The following MPG variants were observed in gnomAD, a reference collection of about 807,000 sequenced individuals.
MPG encodes the protein N-methylpurine DNA glycosylase.
In MPG, 33 loss-of-function variants were observed where a neutral mutation model predicts 31.7. That is an observed-to-expected ratio of 1.04 (90% CI 0.79 to 1.39). The LOEUF (loss-of-function observed/expected upper bound fraction) is 1.39. Among genes scored for constraint, MPG ranks in the 40% most tolerant of loss-of-function variants. The probability of loss-of-function intolerance (pLI) is 0.00; values close to 1 mark genes in which losing one functional copy is unlikely to be tolerated. For synonymous variants in MPG, 202 were observed against 169.2 expected (o/e 1.19, Z -1.51); for missense variants, 455 against 415.5 (o/e 1.10, Z -0.83).
rs1299928865 is a variant in MPG at position 78,317 on chromosome 16, C to T, written c.8C>T (p.Ala3Val). 1.1e-5 allele frequency: 14 copies of T among 1,325,960 alleles called. No individual in the cohort carries two copies. Among genetic ancestry groups the T allele is most frequent in the African/African-American group, 1.5e-5 (1 of 64,756 alleles). 82.1% of individuals were successfully genotyped at this position (1,325,960 alleles called of 1,614,324 possible). A position where few individuals can be genotyped will look rare whatever the true frequency, so the allele number is the denominator to read the frequency against. Residue 3 changes from alanine (A) to valine (V), a missense_variant, in exon 1 of 4, where the codon GCG becomes GTG. By Grantham distance (64) the Ala-to-Val change is moderately conservative. Transcript: ENST00000356432. Reference protein sequence around the residue: MPARSGAQFCRRM... With the variant: MPVRSGAQFCRRM... Reference sequence around the variant, plus strand: ...CCCGGCCCGAGCCGCCGGATGCCCGCGCGCAGCGGGGCCCAGGTGAGCGCG... The same window carrying T: ...CCCGGCCCGAGCCGCCGGATGCCCGTGCGCAGCGGGGCCCAGGTGAGCGCG...
rs771696907 is a variant in MPG, at chr16:83,164, C to A, written c.413C>A (p.Thr138Asn). 16 of 1,612,936 alleles carry A rather than the reference C, an allele frequency of 9.9e-6. No homozygotes were observed. In the African/African-American group the frequency reaches 2.0e-4, roughly 20 times the overall value. ...GCCCACTCAAGGGGTGGCCGGCAGA[C>A]CCCCCGCAACCGAGGCATGTTCATG... ...EAAHSRGGRQ[T>N]PRNRGMFMKP... The change falls in exon 3 of 4, where the codon ACC (threonine) becomes AAC (asparagine). Residue 138 changes from threonine to asparagine, a missense_variant. Thr to Asn is a moderately conservative substitution (Grantham distance 65). Coordinates refer to ENST00000356432, the MANE Select transcript of MPG (RefSeq NM_001015052.3).
chr16:80,021 C>T (rs1596484308), intron 2 of MPG, among the ~76,000 whole-genome samples: 2 of 152,254 alleles, frequency 1.3e-5, no homozygotes, highest in Non-Finnish European at 2.9e-5. Context: ...TTTTTCCACA[C>T]GTGGGAACTG....
chr16:85,305 T>TAA, intron 3 of MPG, 96 bp from the exon 4 acceptor site: 1 of 1,424,660 alleles, frequency 7.0e-7, no homozygotes, highest in Non-Finnish European at 9.4e-7. Context: ...GGAAGGCAGC[T>TAA]GCACCCTCCC....
Position 79,607 on chromosome 16 carries a change from C to G in MPG, c.207C>G (p.Ile69Met). 2 of 1,603,884 alleles carry G rather than the reference C, an allele frequency of 1.2e-6. No individual in the cohort carries two copies. The highest frequency in any genetic ancestry group is 1.7e-6 in the Non-Finnish European group (2 of 1,175,032). The change falls in exon 2 of 4, where the codon ATC becomes ATG. Residue 69 changes from isoleucine to methionine, a missense_variant. By Grantham distance (10) the Ile-to-Met change is conservative. Coordinates refer to ENST00000356432, the MANE Select transcript of MPG (RefSeq NM_001015052.3). ...CCACTCCGGGCCCATACCGCAGCAT[C>G]TATTTCTCAAGCCCAAAGGGCCACC... is the stretch of plus-strand genomic sequence containing the variant. The part of the protein sequence containing the change: ...PPTTPGPYRS[I>M]YFSSPKGHLT...
intron 1 of MPG, chr16:79,157 C>T (rs1195327852): frequency 3.3e-6 from 5 of 1,521,400 alleles, no homozygotes. Context: ...GCCTGGGCCC[C>T]CATGCCGTGC....
chr16:85,363 C>A (rs774059355), intron 3 of MPG, 38 bp from the exon 4 acceptor site: 1 of 1,560,184 alleles, frequency 6.4e-7, no homozygotes, highest in Admixed American at 1.8e-5. Flanking sequence ...AGGACAGGAG[C>A]CTAGGGAGGC....
chr16:79,599 C>G lies in MPG; in HGVS notation c.199C>G (p.Arg67Gly), dbSNP rs370616320. The change falls in exon 2 of 4, where the codon CGC becomes GGC. Residue 67 changes from arginine to glycine, a missense_variant. Physicochemically the swap from Arg to Gly is moderately radical, Grantham distance 125. Coordinates refer to ENST00000356432, the MANE Select transcript of MPG (RefSeq NM_001015052.3). ...ACCGCCCACCACTCCGGGCCCATAC[C>G]GCAGCATCTATTTCTCAAGCCCAAA... ...LGPPTTPGPY[R>G]SIYFSSPKGH... 2 of 1,607,414 alleles carry G rather than the reference C, an allele frequency of 1.2e-6. No homozygotes were observed. The highest frequency in any genetic ancestry group is 2.7e-5 in the African/African-American group (2 of 74,796).
intron 3 of MPG, 71 bp downstream of exon 3, chr16:83,327 T>C (rs1890320561): frequency 6.9e-7 from 1 of 1,453,204 alleles, no homozygotes; most frequent in Admixed American, 1.8e-5. Context: ...AGGGGACCAC[T>C]AGGAGGACTG....
chr16:80,099 G>A (rs1025717850), intron 2 of MPG, among the ~76,000 whole-genome samples: 6 of 152,242 alleles, frequency 3.9e-5, no homozygotes, highest in Non-Finnish European at 8.8e-5. Context: ...TGGCTTCCCA[G>A]GGCCCCTGCA....
chr16:79,242 C>A (rs770568545), intron 1 of MPG, 183 bp from the exon 2 acceptor site: 2 of 1,552,486 alleles, frequency 1.3e-6, no homozygotes, highest in South Asian at 2.4e-5. Context: ...GTGATCATTT[C>A]CTGAGGCCTC....
At position 83,484 on chromosome 16, in the gene MPG, T is replaced by G. The variant is rs997467927; in HGVS notation, c.505+228T>G. 1.2e-5 allele frequency: 6 copies of G among 515,284 alleles called. No homozygotes were observed. The Admixed American group carries it at 2.2e-4, about 18-fold the overall frequency. The allele number at this position is 515,284 out of a possible 1,614,324, so 31.9% of individuals were successfully genotyped here. A position where few individuals can be genotyped will look rare whatever the true frequency, so the allele number is the denominator to read the frequency against. Reference sequence around the variant, plus strand: ...GGCCGGGCGCGGTGGCTCACGCCTGTCATCCCAGCACTTCGGGAGGCCGAG... The same window carrying G: ...GGCCGGGCGCGGTGGCTCACGCCTGGCATCCCAGCACTTCGGGAGGCCGAG... On this transcript the variant is annotated intron_variant, in intron 3 of 3. Transcript: ENST00000356432.
intron 2 of MPG, 152 bp from the exon 3 acceptor site, chr16:82,900 A>G: frequency 1.6e-6 from 1 of 616,554 alleles, no homozygotes; most frequent in Non-Finnish European, 2.8e-6. Flanking sequence ...CAGGAGCAAG[A>G]GAAGAGGCAG....
intron 2 of MPG, 131 bp downstream of exon 2, chr16:79,831 C>T (rs958226989): frequency 7.8e-6 from 8 of 1,020,586 alleles, no homozygotes; most frequent in Admixed American, 7.6e-5. Context: ...AGCGGCTTTG[C>T]TCACACTGGT....
rs139520065 is a variant in MPG, at chr16:83,222, C to T, written c.471C>T (p.Tyr157=). The part of the protein sequence containing the change: ...KPGTLYVYII[Y]GMYFCMNISS... The stretch of plus-strand genomic sequence containing the variant: ...GGACCCTGTACGTGTACATCATTTA[C>T]GGCATGTACTTCTGCATGAACATCT... Residue 157 remains tyrosine, a synonymous_variant, in exon 3 of 4, where the codon TAC becomes TAT. Coordinates refer to ENST00000356432, the MANE Select transcript of MPG (RefSeq NM_001015052.3). 1.9e-4 allele frequency: 302 copies of T among 1,612,884 alleles called. No homozygotes were observed. The highest frequency in any genetic ancestry group is 2.3e-4 in the Non-Finnish European group (270 of 1,179,796).
In MPG at chr16:85,511, G is replaced by C. The variant is rs1486526621; in HGVS notation, c.616G>C (p.Asp206His). ...AGGCACCGCCAGCCGTGTCCTCAAG[G>C]ACCGCGAGCTCTGCAGTGGCCCCTC... The part of the protein sequence containing the change: ...RKGTASRVLK[D>H]RELCSGPSKL... Residue 206 changes from aspartate to histidine, a missense_variant, in exon 4 of 4, where the codon GAC becomes CAC. By Grantham distance (81) the Asp-to-His change is moderately conservative (BLOSUM62 -1). Coordinates refer to ENST00000356432, the MANE Select transcript of MPG (RefSeq NM_001015052.3). The C allele has an allele frequency of 6.2e-7, 1 of 1,613,390 alleles. No individual in the cohort carries two copies. The highest frequency in any genetic ancestry group is 1.1e-5 in the South Asian group (1 of 91,082).
rs1898188018 is a variant in MPG at position 79,633 on chromosome 16, T to G, written c.233T>G (p.Leu78Arg). The G allele has an allele frequency of 1.3e-6, 2 of 1,584,248 alleles. No individual in the cohort carries two copies. Among genetic ancestry groups the G allele is most frequent in the Non-Finnish European group, 1.7e-6 (2 of 1,164,382 alleles). ...TATTTCTCAAGCCCAAAGGGCCACC[T>G]TACCCGACTGGGGTTGGAGTTCTTC... The part of the protein sequence containing the change: ...SIYFSSPKGH[L>R]TRLGLEFFDQ... Residue 78 changes from leucine (L) to arginine (R), a missense_variant, in exon 2 of 4, where the codon CTT becomes CGT. Physicochemically the swap from Leu to Arg is moderately radical, Grantham distance 102. Coordinates refer to ENST00000356432, the MANE Select transcript of MPG (RefSeq NM_001015052.3).
At chr16:78,401 C>T (rs1001901891) in intron 1 of MPG, 68 bp downstream of exon 1, 3 of 1,159,504 alleles carry the variant, frequency 2.6e-6, no homozygotes, top group Admixed American at 4.6e-5. Context: ...GCGAGCGCGG[C>T]CGCGGGAGCG....
upstream of MPG, among the ~76,000 whole-genome samples, chr16:77,825 G>A (rs3176367): frequency 0.19 from 28,273 of 151,804 alleles, 6,884 homozygotes; most frequent in African/African-American, 0.56. Flanking sequence ...CACGTCTGCG[G>A]CCCGCCCCCT....
chr16:79,333 T>A, intron 1 of MPG, 92 bp from the exon 2 acceptor site: 1 of 1,613,114 alleles, frequency 6.2e-7, no homozygotes, highest in Non-Finnish European at 8.5e-7. Context: ...CCAAAGCAGG[T>A]GGTCAGATCC....
Sources: gnomAD v4.1 joint callset for allele counts (sites outside exome capture counted in the v4.1 genomes callset) on GRCh38, gnomAD v4.1.1 for gene constraint, MANE v1.5 for transcripts, NCBI Gene and HGNC (gene_info 2026-07-23, HGNC 2026-07-21) for gene names.